Variants in FER observed in about 807,000 individuals in gnomAD.
FER encodes the protein FER tyrosine kinase, also known as tyrosine-protein kinase Fer.
Under a neutral mutation model 111.0 loss-of-function variants are expected in FER, and 63 were observed. The ratio of observed to expected loss-of-function variants is 0.57; its 90% confidence interval spans 0.46 to 0.70. The LOEUF (loss-of-function observed/expected upper bound fraction) is 0.70. FER is among the 30% of genes least tolerant of loss of function. The pLI is 0.00. For missense variants in FER, 914 were observed against 954.0 expected (o/e 0.96, Z 0.55); for synonymous variants, 327 against 313.9 (o/e 1.04, Z -0.44).
intron 10 of FER, among the ~76,000 whole-genome samples, chr5:108,926,075 T>A (rs1208197388): frequency 6.6e-6 from 1 of 151,774 alleles, no homozygotes; most frequent in Non-Finnish European, 1.5e-5. Context: ...TTTTTCTTTT[T>A]TTTTATACAC....
At chr5:109,059,098 C>T (rs936443802) in intron 16 of FER, among the ~76,000 whole-genome samples, 1 of 151,994 alleles carries the variant, frequency 6.6e-6, no homozygotes, top group Non-Finnish European at 1.5e-5. Flanking sequence ...CTTCTACTTA[C>T]TTCTCTCAAT....
chr5:109,069,353 A>G (rs1775500671), intron 16 of FER, among the ~76,000 whole-genome samples: 1 of 152,194 alleles, frequency 6.6e-6, no homozygotes, highest in Admixed American at 6.5e-5. Context: ...TAGGCAAATC[A>G]AAGTTAGACG....
intron 10 of FER, among the ~76,000 whole-genome samples, chr5:108,943,254 A>C (rs1756517777): frequency 6.6e-6 from 1 of 152,094 alleles, no homozygotes; most frequent in Admixed American, 6.6e-5. Context: ...AATGATGGGG[A>C]GTTGGACAAA....
intron 10 of FER, among the ~76,000 whole-genome samples, chr5:108,931,631 A>C (rs990780682): frequency 1.4e-4 from 22 of 152,122 alleles, no homozygotes; most frequent in Admixed American, 2.6e-4. Context: ...GGAGTTCGAG[A>C]CCAGCCTGGC....
intron 10 of FER, among the ~76,000 whole-genome samples, chr5:108,945,518 T>A (rs954686034): frequency 6.6e-6 from 1 of 152,042 alleles, no homozygotes; most frequent in Non-Finnish European, 1.5e-5. Context: ...TTTGGTAGGA[T>A]TGGTGGTAGG....
intron 2 of FER, among the ~76,000 whole-genome samples, chr5:108,775,413 G>A (rs975436639): frequency 6.6e-6 from 1 of 152,158 alleles, no homozygotes; most frequent in Non-Finnish European, 1.5e-5. Context: ...TCTGTCACAT[G>A]ATTCCCTAAT....
At chr5:109,027,584 T>G (rs1307382489) in intron 13 of FER, among the ~76,000 whole-genome samples, 1 of 152,160 alleles carries the variant, frequency 6.6e-6, no homozygotes, top group Non-Finnish European at 1.5e-5. Context: ...AATATGTCCC[T>G]GTGCCCCATA....
intron 17 of FER, among the ~76,000 whole-genome samples, chr5:109,125,134 A>G (rs1289252173): frequency 6.6e-6 from 1 of 151,926 alleles, no homozygotes. Flanking sequence ...TTCTTTCACT[A>G]AACTTGCTGT....
intron 3 of FER, among the ~76,000 whole-genome samples, chr5:108,799,328 AT>A (rs1263565198): frequency 6.6e-6 from 1 of 152,218 alleles, no homozygotes; most frequent in Non-Finnish European, 1.5e-5. Flanking sequence ...TAAATATCAT[AT>A]TTCACTATAG....
chr5:108,801,515 T>G (rs531030029), intron 3 of FER, among the ~76,000 whole-genome samples: 1 of 152,238 alleles, frequency 6.6e-6, no homozygotes, highest in Non-Finnish European at 1.5e-5. Flanking sequence ...CGTCCATTGT[T>G]GTCCATCAGA....
At chr5:108,864,299 G>T (rs1199111917) in intron 5 of FER, among the ~76,000 whole-genome samples, 1 of 152,166 alleles carries the variant, frequency 6.6e-6, no homozygotes, top group Non-Finnish European at 1.5e-5. Context: ...ATACGATGTG[G>T]ATGTAGTTCC....
At position 108,851,350 on chromosome 5, in the gene FER, C is replaced by T. The variant is rs576110302; in HGVS notation, c.481+15543C>T. Reference sequence around the variant, plus strand: ...CCATCAGTCTCATGAGACTTATTCACGTGAGATTTATTCACTATCATGAGA... The same window carrying T: ...CCATCAGTCTCATGAGACTTATTCATGTGAGATTTATTCACTATCATGAGA... On this transcript the variant is annotated intron_variant, in intron 5 of 19. Transcript: ENST00000281092. Among the ~76,000 whole-genome samples, 22 of 152,204 alleles carry T rather than the reference C, an allele frequency of 1.4e-4. 1 individual carries two copies. Among genetic ancestry groups the T allele is most frequent in the Admixed American group, 2.6e-4 (4 of 15,292 alleles).
chr5:109,029,425 C>CTTTTTTTTTTTTTTTTTT (rs757282669), intron 13 of FER, among the ~76,000 whole-genome samples: 1 of 52,212 alleles, frequency 1.9e-5, no homozygotes, highest in Non-Finnish European at 3.4e-5. Context: ...ATTCATTGTT[C>CTTTTTTTTTTTTTTTTTT]TTTTTTTTTT....
chr5:109,079,887 C>G (rs1006947804), intron 16 of FER, among the ~76,000 whole-genome samples: 1 of 152,138 alleles, frequency 6.6e-6, no homozygotes, highest in Non-Finnish European at 1.5e-5. Context: ...AGACTTAATG[C>G]TACATGCTTT....
chr5:108,855,513 C>G (rs890190814), intron 5 of FER, among the ~76,000 whole-genome samples: 1 of 144,322 alleles, frequency 6.9e-6, no homozygotes, highest in Non-Finnish European at 1.5e-5. Flanking sequence ...CCCAGCTACT[C>G]GGGAGGCTGA....
chr5:108,794,338 C>T (rs1196968141), intron 2 of FER, among the ~76,000 whole-genome samples: 1 of 151,882 alleles, frequency 6.6e-6, no homozygotes, highest in Non-Finnish European at 1.5e-5. Context: ...CTGCTGCGGC[C>T]TCCCTAGTAG....
At chr5:108,795,862 T>G (rs1160970358) in intron 2 of FER, among the ~76,000 whole-genome samples, 1 of 152,218 alleles carries the variant, frequency 6.6e-6, no homozygotes, top group Non-Finnish European at 1.5e-5. Flanking sequence ...CAGGATTGGT[T>G]CCTGGTGCCT....
At chr5:108,783,772 C>G (rs1256721707) in intron 2 of FER, among the ~76,000 whole-genome samples, 1 of 152,092 alleles carries the variant, frequency 6.6e-6, no homozygotes, top group African/African-American at 2.4e-5. Context: ...GGGATTCATT[C>G]TTAGGCTGAG....
chr5:109,179,474 G>A (rs1258444485), intron 17 of FER, among the ~76,000 whole-genome samples: 3 of 152,122 alleles, frequency 2.0e-5, no homozygotes, highest in African/African-American at 4.8e-5. Flanking sequence ...CCTATGTTCT[G>A]TTACTCTAGT....
Sources: allele counts gnomAD v4.1 joint callset (sites outside exome capture counted in the v4.1 genomes callset), GRCh38; gene constraint gnomAD v4.1.1; transcripts MANE v1.5; gene names NCBI Gene and HGNC (gene_info 2026-07-23, HGNC 2026-07-21).